The following SENP7 variants were observed in gnomAD, a reference collection of about 807,000 sequenced individuals.
SENP7 encodes SUMO specific peptidase 7.
Under a neutral mutation model 141.2 loss-of-function variants are expected in SENP7, and 64 were observed. The observed-to-expected ratio is 0.45, with a 90% confidence interval of 0.37 to 0.56. SENP7 has a LOEUF of 0.56. Among genes scored for constraint, SENP7 ranks in the 20% least tolerant of loss-of-function variants. The pLI, the probability that SENP7 is intolerant of heterozygous loss-of-function variation, is 0.00. For missense variants in SENP7, 1,025 were observed against 1,212.2 expected, an observed-to-expected ratio of 0.85 and a Z score of 2.29; for synonymous variants, 382 against 426.4, an observed-to-expected ratio of 0.90 and a Z score of 1.28.
At chr3:101,458,134 A>G (rs2063419530) in intron 4 of SENP7, among the ~76,000 whole-genome samples, 1 of 152,152 alleles carries the variant, frequency 6.6e-6, no homozygotes, top group Non-Finnish European at 1.5e-5. Flanking sequence ...TATCCATGGT[A>G]TGGTAATAAT....
At chr3:101,444,663 A>G (rs2062816109) in intron 4 of SENP7, among the ~76,000 whole-genome samples, 2 of 147,734 alleles carry the variant, frequency 1.4e-5, no homozygotes, top group South Asian at 4.3e-4. Flanking sequence ...AACACCGTAT[A>G]CTCTCACTCA....
At chr3:101,329,775 TAA>T (rs762298259) in intron 20 of SENP7, among the ~76,000 whole-genome samples, 16 of 100,450 alleles carry the variant, frequency 1.6e-4, no homozygotes, top group East Asian at 2.8e-4. Flanking sequence ...CCATCTCTAC[TAA>T]AAAAAAAAAA....
chr3:101,444,906 GAATA>G (rs954960668), intron 4 of SENP7, among the ~76,000 whole-genome samples: 17 of 150,728 alleles, frequency 1.1e-4, no homozygotes, highest in East Asian at 7.8e-4. Context: ...AATAATAAAT[GAATA>G]AATAAATAAA....
intron 10 of SENP7, among the ~76,000 whole-genome samples, chr3:101,363,718 C>T (rs989900793): frequency 6.6e-6 from 1 of 152,128 alleles, no homozygotes; most frequent in South Asian, 2.1e-4. Context: ...GTGATTTCTA[C>T]GTGGAATACC....
intron 6 of SENP7, among the ~76,000 whole-genome samples, chr3:101,374,686 G>GA (rs2060271354): frequency 6.7e-6 from 1 of 149,288 alleles, no homozygotes; most frequent in African/African-American, 2.5e-5. Context: ...GCTGAGGGGA[G>GA]AATCACTTGA....
rs181491081 is a variant in SENP7 at position 101,330,611 on chromosome 3, T to C, written c.2699-225A>G. 2.0e-4 allele frequency among the ~76,000 whole-genome samples: 30 copies of C among 152,274 alleles called. No homozygotes were observed. In the East Asian group the frequency reaches 4.4e-3, roughly 23 times the overall value. ...TAACAGGTAAACCCCAGAGCCATGA[T>C]TGGAAATACCAGTTAGCTAGGCAAA... On this transcript the variant is annotated intron_variant, in intron 19 of 23. Transcript: ENST00000394095.
At chr3:101,501,208 C>G (rs2065364801) in intron 1 of SENP7, 89 bp from the exon 2 acceptor site, 1 of 875,770 alleles carries the variant, frequency 1.1e-6, no homozygotes, top group Admixed American at 2.6e-5. Flanking sequence ...CACATTCATC[C>G]TTTGTTTTAA....
Position 101,324,584 on chromosome 3 carries a change from T to C in SENP7, c.*1359A>G, listed in dbSNP as rs1456028745. ...CAAACAACAAATATATTTAATAATA[T>C]AAAGATAGTGCCAAAATCAACAAAA... On this transcript the variant is annotated 3_prime_UTR_variant, in exon 24 of 24. Transcript: ENST00000394095. 2 of 152,028 alleles carry C rather than the reference T, an allele frequency of 1.3e-5. No homozygotes were observed. Among genetic ancestry groups the C allele is most frequent in the Non-Finnish European group, 2.9e-5 (2 of 67,956 alleles). The allele number at this position is 152,028 out of a possible 1,614,324, so 9.4% of individuals were successfully genotyped here. A position where few individuals can be genotyped will look rare whatever the true frequency, so the allele number is the denominator to read the frequency against.
Position 101,329,436 on chromosome 3 carries a change from C to T in SENP7, c.2752-747G>A, listed in dbSNP as rs1437774367. Among the ~76,000 whole-genome samples, 4 of 151,828 alleles carry T rather than the reference C, an allele frequency of 2.6e-5. No individual in the cohort carries two copies. In the East Asian group the frequency reaches 7.7e-4, roughly 29 times the overall value. ...AAGAAGTGACAGTTCGTATCAGTGA[C>T]AGTAAAGACATAGGCCTGTGCCAGG... On this transcript the variant is annotated intron_variant, in intron 20 of 23. Transcript: ENST00000394095.
intron 5 of SENP7, among the ~76,000 whole-genome samples, chr3:101,400,835 C>T (rs534424832): frequency 2.0e-5 from 3 of 152,252 alleles, no homozygotes; most frequent in South Asian, 2.1e-4. Flanking sequence ...TGGCTCACAC[C>T]TGCAATCCCA....
At chr3:101,412,540 G>C (rs1396258350) in intron 5 of SENP7, among the ~76,000 whole-genome samples, 2 of 151,962 alleles carry the variant, frequency 1.3e-5, no homozygotes, top group Non-Finnish European at 2.9e-5. Context: ...TCTGGAATAC[G>C]TAATTCTTTT....
At chr3:101,413,423 GGAAAA>G (rs1401317632) in intron 5 of SENP7, among the ~76,000 whole-genome samples, 1 of 151,994 alleles carries the variant, frequency 6.6e-6, no homozygotes, top group African/African-American at 2.4e-5. Context: ...GTTCTTACAG[GGAAAA>G]TATATGTTAG....
chr3:101,466,040 G>C (rs1559869078), intron 3 of SENP7, among the ~76,000 whole-genome samples: 1 of 151,882 alleles, frequency 6.6e-6, no homozygotes, highest in South Asian at 2.1e-4. Context: ...AAGAATTTCT[G>C]AACTTGAAAA....
chr3:101,502,578 G>C (rs1226839049), intron 1 of SENP7, among the ~76,000 whole-genome samples: 2 of 149,502 alleles, frequency 1.3e-5, no homozygotes, highest in Non-Finnish European at 3.0e-5. Flanking sequence ...TTACAGGCAT[G>C]AGCCACCGCG....
intron 19 of SENP7, among the ~76,000 whole-genome samples, chr3:101,331,231 A>T (rs760932295): frequency 2.0e-5 from 3 of 151,924 alleles, no homozygotes; most frequent in Non-Finnish European, 2.9e-5. Flanking sequence ...TATAATCCCA[A>T]TACTTTAGGA....
intron 6 of SENP7, among the ~76,000 whole-genome samples, chr3:101,397,800 T>C (rs1231905285): frequency 2.0e-5 from 3 of 152,138 alleles, no homozygotes; most frequent in Non-Finnish European, 4.4e-5. Flanking sequence ...CAACTTTTCA[T>C]CTATATAAAA....
chr3:101,423,710 T>C (rs1227236923), intron 4 of SENP7, among the ~76,000 whole-genome samples: 2 of 152,140 alleles, frequency 1.3e-5, no homozygotes, highest in African/African-American at 4.8e-5. Context: ...ACACAGAAGC[T>C]AGGCTGAAGA....
intron 4 of SENP7, among the ~76,000 whole-genome samples, chr3:101,440,692 C>T (rs1020798701): frequency 4.0e-5 from 6 of 151,036 alleles, no homozygotes; most frequent in African/African-American, 1.2e-4. Flanking sequence ...TAGCCTAATA[C>T]CAAAACCAGA....
chr3:101,372,708 C>T (rs2060214236), intron 6 of SENP7, among the ~76,000 whole-genome samples: 1 of 151,830 alleles, frequency 6.6e-6, no homozygotes, highest in Non-Finnish European at 1.5e-5. Flanking sequence ...TAAGTGCATA[C>T]ATATGAAACA....
Sources: gnomAD v4.1 joint callset for allele counts (sites outside exome capture counted in the v4.1 genomes callset) on GRCh38, gnomAD v4.1.1 for gene constraint, MANE v1.5 for transcripts, NCBI Gene and HGNC (gene_info 2026-07-23, HGNC 2026-07-21) for gene names.